ZNF676: variants seen among roughly 807,000 people sequenced by gnomAD.
ZNF676 encodes zinc finger protein 676.
A neutral mutation model predicts 6.0 loss-of-function variants in ZNF676; 4 were observed. That is an observed-to-expected ratio of 0.67 (90% CI 0.33 to 1.53). ZNF676 has a LOEUF of 1.53. Among genes scored for constraint, ZNF676 ranks in the 40% most tolerant of loss-of-function variants. The probability of loss-of-function intolerance (pLI) is 0.06; values close to 1 mark genes in which losing one functional copy is unlikely to be tolerated. For synonymous variants in ZNF676, 198 were observed against 223.1 expected, an observed-to-expected ratio of 0.89 and a Z score of 1.00; for missense variants, 644 against 679.7, an observed-to-expected ratio of 0.95 and a Z score of 0.58.
upstream of ZNF676, among the ~76,000 whole-genome samples, chr19:22,200,679 T>G: frequency 6.6e-6 from 1 of 151,994 alleles, no homozygotes; most frequent in Non-Finnish European, 1.5e-5. Flanking sequence ...CCACCACACC[T>G]GGCTAAAATA....
intron 1 of ZNF676, among the ~76,000 whole-genome samples, chr19:22,209,036 C>A (rs530417079): frequency 2.0e-5 from 3 of 152,010 alleles, no homozygotes; most frequent in African/African-American, 4.8e-5. Context: ...GAGGCCAAGG[C>A]GGCAGATCAC....
the ZNF676 span, among the ~76,000 whole-genome samples, chr19:22,237,158 G>C: frequency 6.6e-6 from 1 of 152,258 alleles, no homozygotes; most frequent in African/African-American, 2.4e-5. Flanking sequence ...GTATCCCAAT[G>C]TGCCTAAGCC....
the ZNF676 span, among the ~76,000 whole-genome samples, chr19:22,245,903 C>T: frequency 2.3e-3 from 348 of 152,074 alleles, 4 homozygotes; most frequent in African/African-American, 7.9e-3. Flanking sequence ...TTTGCAGAAC[C>T]CAGACAGAAA....
chr19:22,235,452 C>T, the ZNF676 span, among the ~76,000 whole-genome samples: 1 of 152,172 alleles, frequency 6.6e-6, no homozygotes, highest in Non-Finnish European at 1.5e-5. Flanking sequence ...GCCCACTAGA[C>T]ATTGTGCCTC....
intron 1 of ZNF676, among the ~76,000 whole-genome samples, chr19:22,206,911 A>G (rs1419986888): frequency 6.6e-6 from 1 of 152,188 alleles, no homozygotes; most frequent in Non-Finnish European, 1.5e-5. Context: ...CATGTTAAAA[A>G]CCCTCAACAA....
the ZNF676 span, among the ~76,000 whole-genome samples, chr19:22,245,647 C>T: frequency 3.3e-5 from 5 of 151,862 alleles, no homozygotes; most frequent in African/African-American, 7.3e-5. Context: ...GTGCTAGGTT[C>T]GGTGATATAT....
rs139030819 is a variant in ZNF676 at position 22,186,701 on chromosome 19, A to G, written c.131-5115T>C. On this transcript the variant is annotated intron_variant, in intron 2 of 2. Transcript: ENST00000397121. The stretch of plus-strand genomic sequence containing the variant: ...TGATGGAGGAATATTTACCAAGCAA[A>G]TGGAAAGCAAAAGAAAGCAGGGGCT... 1.6e-3 allele frequency among the ~76,000 whole-genome samples: 244 copies of G among 152,342 alleles called. 2 individuals carry two copies. Among genetic ancestry groups the G allele is most frequent in the Non-Finnish European group, 2.7e-3 (185 of 68,032 alleles).
chr19:22,223,174 T>A, the ZNF676 span, among the ~76,000 whole-genome samples: 2 of 152,056 alleles, frequency 1.3e-5, no homozygotes, highest in African/African-American at 4.8e-5. Flanking sequence ...AGTTGGCTAT[T>A]TTTTGGGTTG....
chr19:22,254,723 G>T, the ZNF676 span, among the ~76,000 whole-genome samples: 1 of 152,176 alleles, frequency 6.6e-6, no homozygotes, highest in Non-Finnish European at 1.5e-5. Flanking sequence ...TAGGTGTTAA[G>T]CCCAGTGACA....
At chr19:22,239,153 C>T in the ZNF676 span, among the ~76,000 whole-genome samples, 601 of 151,946 alleles carry the variant, frequency 4.0e-3, 4 homozygotes, top group Middle Eastern at 0.017. Context: ...CAGCATTCTA[C>T]CTGTGGGCAG....
At chr19:22,242,918 T>C in the ZNF676 span, among the ~76,000 whole-genome samples, 4 of 151,946 alleles carry the variant, frequency 2.6e-5, no homozygotes, top group South Asian at 6.2e-4. Context: ...GTTCCCACTG[T>C]GTACTGGTCC....
At chr19:22,246,064 A>T in the ZNF676 span, among the ~76,000 whole-genome samples, 3 of 152,308 alleles carry the variant, frequency 2.0e-5, no homozygotes, top group South Asian at 4.1e-4. Flanking sequence ...GCAAACAAGG[A>T]GAATCATAAC....
chr19:22,181,431 C>T lies in ZNF676; in HGVS notation c.286G>A (p.Glu96Lys), dbSNP rs12986319. The T allele has an allele frequency of 0.13, 213,084 of 1,613,482 alleles. 15,292 individuals are homozygous for T. The highest frequency in any genetic ancestry group is 0.18 in the Admixed American group (10,820 of 59,974). ...TNVDECNVHK[E>K]GYNKLNQSLT... Reference sequence around the variant, plus strand: ...CTCTGGTTAAGTTTATTATAACCTTCTTTGTGCACGTTACACTCATCCACA... The same window carrying T: ...CTCTGGTTAAGTTTATTATAACCTTTTTTGTGCACGTTACACTCATCCACA... Residue 96 changes from glutamate (E) to lysine (K), a missense_variant, in exon 3 of 3, where the codon GAA becomes AAA. Glu to Lys is a moderately conservative substitution (Grantham distance 56, BLOSUM62 1). Transcript: ENST00000397121.
chr19:22,233,303 C>G, the ZNF676 span, among the ~76,000 whole-genome samples: 2 of 149,364 alleles, frequency 1.3e-5, no homozygotes, highest in Non-Finnish European at 3.0e-5. Flanking sequence ...GCCATCTCAC[C>G]CGGCCCAATT....
chr19:22,238,745 C>G, the ZNF676 span, among the ~76,000 whole-genome samples: 1 of 152,096 alleles, frequency 6.6e-6, no homozygotes, highest in Non-Finnish European at 1.5e-5. Flanking sequence ...TCAAGGAGAG[C>G]CACTCCAAGT....
the ZNF676 span, among the ~76,000 whole-genome samples, chr19:22,240,351 C>A: frequency 0.01 from 1,595 of 151,936 alleles, 61 homozygotes; most frequent in African/African-American, 0.037. Context: ...CTTCCATAGG[C>A]AAAGCCCAGG....
At chr19:22,199,583 C>T (rs1449954683), upstream of ZNF676, among the ~76,000 whole-genome samples, 1 of 152,052 alleles carries the variant, frequency 6.6e-6, no homozygotes, top group African/African-American at 2.4e-5. Flanking sequence ...TTTAAAGGAC[C>T]CAGCATTTTT....
At chr19:22,183,146 A>C (rs1354237349) in intron 2 of ZNF676, among the ~76,000 whole-genome samples, 1 of 152,142 alleles carries the variant, frequency 6.6e-6, no homozygotes, top group Non-Finnish European at 1.5e-5. Flanking sequence ...CACAAAAGAA[A>C]AATAAGAAAA....
At chr19:22,226,914 T>C in the ZNF676 span, among the ~76,000 whole-genome samples, 2 of 152,242 alleles carry the variant, frequency 1.3e-5, no homozygotes, top group African/African-American at 2.4e-5. Flanking sequence ...GTTTAATTTT[T>C]ATATACTTTT....
Sources: gnomAD v4.1 joint callset for allele counts (sites outside exome capture counted in the v4.1 genomes callset) on GRCh38, gnomAD v4.1.1 for gene constraint, MANE v1.5 for transcripts, NCBI Gene and HGNC (gene_info 2026-07-23, HGNC 2026-07-21) for gene names.